DTNA: variants seen among roughly 807,000 people sequenced by gnomAD.
DTNA encodes the protein dystrophin-related protein 3.
A neutral mutation model predicts 100.7 loss-of-function variants in DTNA; 43 were observed. The ratio of observed to expected loss-of-function variants is 0.43; its 90% CI spans 0.33 to 0.55. The LOEUF is 0.55. Among genes scored for constraint, DTNA ranks in the 20% least tolerant of loss-of-function variants. The pLI is 0.04. For missense variants in DTNA, 798 were observed against 953.9 expected (o/e 0.84, Z 2.15); for synonymous variants, 349 against 347.9 (o/e 1.00, Z -0.04).
chr18:34,866,047 C>T, intron 17 of DTNA: 1 of 1,585,872 alleles, frequency 6.3e-7, no homozygotes, highest in Non-Finnish European at 8.7e-7. Flanking sequence ...TTCCTTCACA[C>T]TGTGTACATG....
chr18:34,606,824 A>G (rs1262401293), intron 1 of DTNA, among the ~76,000 whole-genome samples: 1 of 152,156 alleles, frequency 6.6e-6, no homozygotes, highest in African/African-American at 2.4e-5. Flanking sequence ...GTTTGGTGTT[A>G]TAATAGGGTG....
At chr18:34,818,501 T>C in intron 8 of DTNA, 171 bp downstream of exon 8, 7 of 1,508,922 alleles carry the variant, frequency 4.6e-6, no homozygotes, top group Non-Finnish European at 6.2e-6. Flanking sequence ...CTCTTACTTA[T>C]TCTGTTGGAA....
chr18:34,499,203 T>C (rs1436338381), intron 1 of DTNA, among the ~76,000 whole-genome samples: 1 of 152,212 alleles, frequency 6.6e-6, no homozygotes, highest in Non-Finnish European at 1.5e-5. Flanking sequence ...AATTTTGTCA[T>C]TGCAAGAATG....
intron 1 of DTNA, among the ~76,000 whole-genome samples, chr18:34,640,339 A>G (rs562591095): frequency 4.6e-5 from 7 of 152,268 alleles, no homozygotes; most frequent in African/African-American, 1.2e-4. Flanking sequence ...GCATCCATAG[A>G]TTAACAATTC....
chr18:34,613,222 ATGT>A (rs1302754489), intron 1 of DTNA, among the ~76,000 whole-genome samples: 1 of 152,150 alleles, frequency 6.6e-6, no homozygotes, highest in Admixed American at 6.5e-5. Flanking sequence ...ATTTTAATCA[ATGT>A]TGTCTGCATT....
chr18:34,579,473 T>A (rs2118855), intron 1 of DTNA, among the ~76,000 whole-genome samples: 1 of 152,146 alleles, frequency 6.6e-6, no homozygotes, highest in African/African-American at 2.4e-5. Flanking sequence ...TCTTATAGTA[T>A]GTATTTGCTA....
intron 4 of DTNA, among the ~76,000 whole-genome samples, chr18:34,800,805 C>T (rs2095177768): frequency 6.6e-6 from 1 of 152,158 alleles, no homozygotes; most frequent in Non-Finnish European, 1.5e-5. Flanking sequence ...AGACAATTTA[C>T]CTCCTGTACT....
chr18:34,693,601 A>G (rs2145921257), intron 1 of DTNA, among the ~76,000 whole-genome samples: 1 of 152,340 alleles, frequency 6.6e-6, no homozygotes, highest in South Asian at 2.1e-4. Context: ...TCTTTTAAAT[A>G]TAATAAATAG....
chr18:34,692,154 T>G (rs2079862919), intron 1 of DTNA, among the ~76,000 whole-genome samples: 1 of 152,200 alleles, frequency 6.6e-6, no homozygotes, highest in African/African-American at 2.4e-5. Context: ...TGGTTTTGAA[T>G]GAACTAGGGA....
chr18:34,670,189 T>C (rs1599888953), intron 1 of DTNA, among the ~76,000 whole-genome samples: 1 of 152,230 alleles, frequency 6.6e-6, no homozygotes, highest in Non-Finnish European at 1.5e-5. Flanking sequence ...CCATCACTGA[T>C]ACCCTTTCTT....
intron 2 of DTNA, 56 bp downstream of exon 2, chr18:34,756,099 A>G (rs909511050): frequency 1.4e-5 from 21 of 1,544,584 alleles, no homozygotes; most frequent in Non-Finnish European, 1.8e-5. Flanking sequence ...ACTCATGGAA[A>G]GGCTAGAAAT....
intron 16 of DTNA, among the ~76,000 whole-genome samples, chr18:34,862,311 G>T (rs1376645337): frequency 6.6e-6 from 1 of 151,598 alleles, no homozygotes; most frequent in East Asian, 1.9e-4. Flanking sequence ...CAGAAAAGAA[G>T]CAATTTTAAA....
intron 14 of DTNA, among the ~76,000 whole-genome samples, chr18:34,850,349 C>T (rs112060324): frequency 3.2e-4 from 48 of 152,170 alleles, no homozygotes; most frequent in Admixed American, 8.5e-4. Context: ...GTAATGAAAT[C>T]AGAAGAAAAT....
intron 1 of DTNA, among the ~76,000 whole-genome samples, chr18:34,668,999 T>C (rs1182340106): frequency 6.6e-6 from 1 of 152,180 alleles, no homozygotes; most frequent in South Asian, 2.1e-4. Flanking sequence ...TTCTGTCTCA[T>C]TGATCTGTCT....
At chr18:34,696,441 G>A (rs2080555667) in intron 1 of DTNA, among the ~76,000 whole-genome samples, 1 of 152,106 alleles carries the variant, frequency 6.6e-6, no homozygotes, top group Admixed American at 6.6e-5. Flanking sequence ...AGCTGGGCCT[G>A]GTGGCACATG....
chr18:34,516,871 G>A (rs897446907), intron 1 of DTNA, among the ~76,000 whole-genome samples: 6 of 151,998 alleles, frequency 3.9e-5, no homozygotes, highest in Admixed American at 3.9e-4. Context: ...ATCCTGAGGT[G>A]ACATACATCC....
At chr18:34,655,252 A>G (rs1568133069) in intron 1 of DTNA, among the ~76,000 whole-genome samples, 1 of 152,154 alleles carries the variant, frequency 6.6e-6, no homozygotes, top group Non-Finnish European at 1.5e-5. Context: ...GTTATTGGAC[A>G]TATTCACTGC....
intron 3 of DTNA, among the ~76,000 whole-genome samples, chr18:34,777,369 T>C (rs1045676263): frequency 6.6e-6 from 1 of 152,226 alleles, no homozygotes; most frequent in African/African-American, 2.4e-5. Flanking sequence ...ACCTATTAAT[T>C]TTAAATGAAT....
intron 1 of DTNA, among the ~76,000 whole-genome samples, chr18:34,623,200 A>T: frequency 6.6e-6 from 1 of 152,286 alleles, no homozygotes; most frequent in East Asian, 1.9e-4. Flanking sequence ...AGGGCCAAAA[A>T]ATGCAGGCTT....
Sources: gnomAD v4.1 joint callset for allele counts (sites outside exome capture counted in the v4.1 genomes callset) on GRCh38, gnomAD v4.1.1 for gene constraint, MANE v1.5 for transcripts, NCBI Gene and HGNC (gene_info 2026-07-23, HGNC 2026-07-21) for gene names.